FZD6: variants seen among roughly 807,000 people sequenced by gnomAD.
FZD6 encodes frizzled class receptor 6.
A neutral mutation model predicts 61.4 loss-of-function variants in FZD6; 49 were observed. That is an observed-to-expected ratio of 0.80 (90% CI 0.63 to 1.01). The LOEUF (loss-of-function observed/expected upper bound fraction) is 1.01. Ranked by LOEUF, FZD6 falls within the 50% of genes least tolerant of loss-of-function variation. The probability of loss-of-function intolerance (pLI) is 0.00; values close to 1 mark genes in which losing one functional copy is unlikely to be tolerated. For missense variants in FZD6, 724 were observed against 848.2 expected, an observed-to-expected ratio of 0.85 and a Z score of 1.82; for synonymous variants, 265 against 292.2, an observed-to-expected ratio of 0.91 and a Z score of 0.95.
intron 3 of FZD6, among the ~76,000 whole-genome samples, chr8:103,321,215 T>G (rs1338032752): frequency 6.6e-6 from 1 of 152,196 alleles, no homozygotes; most frequent in African/African-American, 2.4e-5. Context: ...TAAATCAAAT[T>G]TATTCGTGTT....
intron 5 of FZD6, among the ~76,000 whole-genome samples, chr8:103,328,630 T>TATATGTC (rs1491376023): frequency 2.7e-5 from 4 of 149,770 alleles, no homozygotes; most frequent in Admixed American, 6.6e-5. Flanking sequence ...TATCATATAG[T>TATATGTC]ATATGTCTGT....
intron 6 of FZD6, among the ~76,000 whole-genome samples, chr8:103,330,655 A>T (rs1276421373): frequency 6.6e-6 from 1 of 152,186 alleles, no homozygotes; most frequent in Non-Finnish European, 1.5e-5. Context: ...TACATGCTTT[A>T]TCTTCTCGTA....
At chr8:103,301,118 A>T (rs544211483) in intron 2 of FZD6, among the ~76,000 whole-genome samples, 122 of 152,302 alleles carry the variant, frequency 8.0e-4, no homozygotes, top group Non-Finnish European at 1.6e-3. Context: ...AATCCCTACA[A>T]ATTTAATATA....
At chr8:103,306,239 T>A (rs1183488045) in intron 2 of FZD6, among the ~76,000 whole-genome samples, 4 of 152,312 alleles carry the variant, frequency 2.6e-5, no homozygotes, top group African/African-American at 9.6e-5. Context: ...AAATTCCTGC[T>A]TTTTGTTCTC....
intron 2 of FZD6, among the ~76,000 whole-genome samples, chr8:103,301,323 A>G (rs1814164443): frequency 6.6e-6 from 1 of 152,134 alleles, no homozygotes; most frequent in African/African-American, 2.4e-5. Flanking sequence ...GTTTTTTTCA[A>G]ACTGATGCTA....
chr8:103,328,721 G>A (rs1815028153), intron 5 of FZD6, among the ~76,000 whole-genome samples: 1 of 151,430 alleles, frequency 6.6e-6, no homozygotes, highest in African/African-American at 2.4e-5. Context: ...AGTATATCCA[G>A]TATTATTACT....
At chr8:103,314,223 A>G (rs1563688186) in intron 2 of FZD6, among the ~76,000 whole-genome samples, 1 of 152,232 alleles carries the variant, frequency 6.6e-6, no homozygotes, top group East Asian at 1.9e-4. Flanking sequence ...CTTGAACTAT[A>G]TAATTACTTC....
intron 2 of FZD6, among the ~76,000 whole-genome samples, chr8:103,311,280 C>G (rs1814489492): frequency 6.6e-6 from 1 of 152,136 alleles, no homozygotes; most frequent in Non-Finnish European, 1.5e-5. Context: ...TAACCCTCTC[C>G]CCAGGAATCA....
At chr8:103,310,770 T>C (rs1252625446) in intron 2 of FZD6, among the ~76,000 whole-genome samples, 1 of 152,236 alleles carries the variant, frequency 6.6e-6, no homozygotes, top group Non-Finnish European at 1.5e-5. Context: ...CATTCTATTA[T>C]GTACAGAGAA....
At position 103,316,321 on chromosome 8, in the gene FZD6, C is replaced by T. The variant is rs184514896; in HGVS notation, c.178-2269C>T. Reference sequence around the variant, plus strand: ...CATATACTCTGTCAATCTCAATCCCCGCTCCTTTCCCTTGGAGACCTTTCT... The same window carrying T: ...CATATACTCTGTCAATCTCAATCCCTGCTCCTTTCCCTTGGAGACCTTTCT... On this transcript the variant is annotated intron_variant, in intron 2 of 6. Transcript: ENST00000358755. Among the ~76,000 whole-genome samples the T allele has an allele frequency of 3.4e-3, 512 of 152,256 alleles. 2 individuals are homozygous for T. Among genetic ancestry groups the T allele is most frequent in the African/African-American group, 0.012 (485 of 41,544 alleles).
At chr8:103,307,687 A>T in intron 2 of FZD6, 1 of 441,342 alleles carries the variant, frequency 2.3e-6, no homozygotes, top group Non-Finnish European at 4.5e-6. Context: ...AACTCTGAAG[A>T]AGGAGCCTCC....
chr8:103,306,493 A>AGT (rs1310552564), intron 2 of FZD6, among the ~76,000 whole-genome samples: 1 of 95,334 alleles, frequency 1.0e-5, no homozygotes, highest in African/African-American at 4.0e-5. Flanking sequence ...AAGGTTCATC[A>AGT]CTTTTTTTTT....
intron 3 of FZD6, among the ~76,000 whole-genome samples, chr8:103,319,094 T>A (rs570374586): frequency 6.6e-6 from 1 of 152,286 alleles, no homozygotes; most frequent in Non-Finnish European, 1.5e-5. Flanking sequence ...TCTATGAGAA[T>A]ATATAATGAT....
rs144639113 is a variant in FZD6, at chr8:103,321,310, T to C, written c.374+2524T>C. 2.2e-3 allele frequency among the ~76,000 whole-genome samples: 335 copies of C among 152,336 alleles called. 1 individual carries two copies. The highest frequency in any genetic ancestry group is 7.8e-3 in the African/African-American group (325 of 41,576). On this transcript the variant is annotated intron_variant, in intron 3 of 6. Coordinates refer to ENST00000358755, the MANE Select transcript of FZD6 (RefSeq NM_003506.4). The stretch of plus-strand genomic sequence containing the variant: ...CCTATATTAAACCATGTCCCATTAA[T>C]ATAAAGCAAACCCATTAACATCCTT...
intron 3 of FZD6, among the ~76,000 whole-genome samples, chr8:103,323,425 C>T (rs900142500): frequency 7.2e-6 from 1 of 138,198 alleles, no homozygotes; most frequent in African/African-American, 2.8e-5. Context: ...CATTTAAAAC[C>T]TCCAGTACTT....
chr8:103,326,893 A>G (rs557569201), intron 4 of FZD6, among the ~76,000 whole-genome samples: 1 of 152,298 alleles, frequency 6.6e-6, no homozygotes, highest in Non-Finnish European at 1.5e-5. Context: ...AAAAATGAAA[A>G]AACTATTCTT....
chr8:103,331,490 G>T lies in FZD6; in HGVS notation c.2102G>T (p.Gly701Val), dbSNP rs1221924968. 1 of 1,611,724 alleles carries T rather than the reference G, an allele frequency of 6.2e-7. No homozygotes were observed. The highest frequency in any genetic ancestry group is 1.3e-5 in the African/African-American group (1 of 74,870). The change falls in exon 7 of 7, where the codon GGT becomes GTT. Residue 701 changes from glycine to valine, a missense_variant. Coordinates refer to ENST00000358755, the MANE Select transcript of FZD6 (RefSeq NM_003506.4). ...GGAGTGAGAAAAGAGCAGGGAGGTG[G>T]TTGTCATTCAGATACTTGAAGAACA... The part of the protein sequence containing the change: ...VSGVRKEQGG[G>V]CHSDT
intron 3 of FZD6, among the ~76,000 whole-genome samples, chr8:103,319,743 T>C (rs1814729347): frequency 6.6e-6 from 1 of 152,146 alleles, no homozygotes; most frequent in South Asian, 2.1e-4. Context: ...AAAAAAGCAT[T>C]CAAGGCAGAG....
At chr8:103,307,938 G>A in intron 2 of FZD6, 1 of 455,996 alleles carries the variant, frequency 2.2e-6, no homozygotes, top group South Asian at 1.5e-5. Context: ...ACTCTTGGAT[G>A]GAAATTATCC....
Sources: allele counts gnomAD v4.1 joint callset (sites outside exome capture counted in the v4.1 genomes callset), GRCh38; gene constraint gnomAD v4.1.1; transcripts MANE v1.5; gene names NCBI Gene and HGNC (gene_info 2026-07-23, HGNC 2026-07-21).